The following RNASEH2A variants were observed in gnomAD, a reference collection of about 807,000 sequenced individuals.
The protein encoded by RNASEH2A is ribonuclease H2 subunit A.
Under a neutral mutation model 32.7 loss-of-function variants are expected in RNASEH2A, and 30 were observed. That is an observed-to-expected ratio of 0.92 (90% CI 0.69 to 1.25). The LOEUF is 1.25. RNASEH2A is among the 50% of genes most tolerant of loss of function. The pLI is 0.00. For missense variants in RNASEH2A, 409 were observed against 398.1 expected (o/e 1.03, Z -0.23); for synonymous variants, 147 against 165.4 (o/e 0.89, Z 0.86).
In RNASEH2A at chr19:12,809,514, A is replaced by AT. The variant is rs200896055; in HGVS notation, c.412-551dup. Among the ~76,000 whole-genome samples, 1,216 of 152,174 alleles carry AT rather than the reference A, an allele frequency of 8.0e-3. 47 individuals are homozygous for AT. The highest frequency in any genetic ancestry group is 0.067 in the Admixed American group (1,020 of 15,288). On this transcript the variant is annotated intron_variant, in intron 4 of 7. Coordinates refer to ENST00000221486, the MANE Select transcript of RNASEH2A (RefSeq NM_006397.3). ...CACCACTACACCTAGCTAACTTTTT[A>AT]TTTTTTGTAGAAACAGGGTCTCCAT...
chr19:12,810,655 C>A (rs1487611892), intron 6 of RNASEH2A, among the ~76,000 whole-genome samples: 1 of 152,072 alleles, frequency 6.6e-6, no homozygotes, highest in South Asian at 2.1e-4. Context: ...CTCAGCCTCG[C>A]GAGTAGCTGG....
chr19:12,807,246 T>C lies in RNASEH2A; in HGVS notation c.240T>C (p.Phe80=). The change falls in exon 3 of 8, where the codon TTT becomes TTC. Residue 80 remains phenylalanine, a synonymous_variant. Coordinates refer to ENST00000221486, the MANE Select transcript of RNASEH2A (RefSeq NM_006397.3). ...TGGAGAGCGAGCGGGAAAGGCTGTT[T>C]GCGAAAATGGAGGACACGGACTTTG... ...TLLESERERL[F]AKMEDTDFVG... The C allele has an allele frequency of 6.2e-7, 1 of 1,614,158 alleles. No homozygotes were observed. Among genetic ancestry groups the C allele is most frequent in the Non-Finnish European group, 8.5e-7 (1 of 1,180,034 alleles).
chr19:12,808,765 A>C (rs1056940360), intron 4 of RNASEH2A, among the ~76,000 whole-genome samples: 1 of 152,180 alleles, frequency 6.6e-6, no homozygotes, highest in Non-Finnish European at 1.5e-5. Context: ...GACCGTTCTG[A>C]GAGAATAACA....
At chr19:12,808,233 CAG>C (rs914177107) in intron 4 of RNASEH2A, among the ~76,000 whole-genome samples, 5 of 151,952 alleles carry the variant, frequency 3.3e-5, no homozygotes, top group Admixed American at 6.6e-5. Flanking sequence ...GCCTGGGGGA[CAG>C]AGCGAAAAAT....
intron 4 of RNASEH2A, among the ~76,000 whole-genome samples, chr19:12,808,171 G>A (rs564756629): frequency 6.2e-4 from 94 of 152,220 alleles, no homozygotes; most frequent in African/African-American, 1.9e-3. Flanking sequence ...AGAATTGCTC[G>A]AACCCGGGAG....
intron 6 of RNASEH2A, among the ~76,000 whole-genome samples, chr19:12,812,386 G>T (rs1969085785): frequency 6.6e-6 from 1 of 150,910 alleles, no homozygotes; most frequent in South Asian, 2.1e-4. Flanking sequence ...ACAAAAATTA[G>T]CCAGGTATGG....
At chr19:12,811,629 T>C (rs553287901) in intron 6 of RNASEH2A, among the ~76,000 whole-genome samples, 1 of 140,390 alleles carries the variant, frequency 7.1e-6, no homozygotes, top group African/African-American at 2.7e-5. Context: ...AAAAAAAAAA[T>C]AATGTTAGCC....
In RNASEH2A at chr19:12,806,709, C is replaced by T. The variant is rs375139492; in HGVS notation, c.36C>T (p.Gly12=). The part of the protein sequence containing the change: ...DLSELERDNT[G]RCRLSSPVPA... Reference sequence around the variant, plus strand: ...GCGAGCTGGAGAGAGACAATACAGGCCGCTGTCGCCTGAGTTCGCCTGTGC... The same window carrying T: ...GCGAGCTGGAGAGAGACAATACAGGTCGCTGTCGCCTGAGTTCGCCTGTGC... The change falls in exon 1 of 8, where the codon GGC becomes GGT. Residue 12 remains glycine (G), a synonymous_variant. Coordinates refer to ENST00000221486, the MANE Select transcript of RNASEH2A (RefSeq NM_006397.3). 6.2e-5 allele frequency: 98 copies of T among 1,569,796 alleles called. 1 individual carries two copies. In the South Asian group the frequency reaches 8.3e-4, roughly 13 times the overall value.
chr19:12,809,931 G>A (rs1377242915), intron 4 of RNASEH2A, 140 bp from the exon 5 acceptor site: 8 of 1,136,978 alleles, frequency 7.0e-6, no homozygotes, highest in African/African-American at 1.5e-5. Flanking sequence ...AGATGTTCGA[G>A]TTGAAATCCC....
At chr19:12,807,923 C>T (rs1273377365) in intron 4 of RNASEH2A, 4 of 240,814 alleles carry the variant, frequency 1.7e-5, no homozygotes, top group African/African-American at 9.1e-5. Context: ...CAGAGCAAGA[C>T]CCTGTCTCAA....
At chr19:12,809,220 A>G (rs913191214) in intron 4 of RNASEH2A, among the ~76,000 whole-genome samples, 2 of 152,208 alleles carry the variant, frequency 1.3e-5, no homozygotes, top group African/African-American at 4.8e-5. Context: ...TAAAAATAAA[A>G]AATAAAAAAA....
chr19:12,813,523 G>A lies in RNASEH2A; in HGVS notation c.*57G>A. 6.2e-7 allele frequency: 1 copy of A among 1,604,240 alleles called. No homozygotes were observed. Among genetic ancestry groups the A allele is most frequent in the East Asian group, 2.2e-5 (1 of 44,860 alleles). On this transcript the variant is annotated 3_prime_UTR_variant, in exon 8 of 8. Coordinates refer to ENST00000221486, the MANE Select transcript of RNASEH2A (RefSeq NM_006397.3). ...CAACCCAGACATTAAAATTGTTTAA[G>A]GAGAACCACACGTAGGGGATGTACT...
chr19:12,809,745 T>C (rs1408170228), intron 4 of RNASEH2A, among the ~76,000 whole-genome samples: 2 of 152,064 alleles, frequency 1.3e-5, no homozygotes, highest in East Asian at 3.8e-4. Context: ...AGAAAGCCTC[T>C]TCAGGAGGTG....
rs757139110 is a variant in RNASEH2A at position 12,810,412 on chromosome 19, G to C, written c.637+8G>C. On this transcript the variant is annotated splice_region_variant and intron_variant, in intron 6 of 7. Transcript: ENST00000221486. ...GCTCAGGCTACCCCAATGGTGAGCA[G>C]ACACGTGACCATGGTACTAATGTTG... is the stretch of plus-strand genomic sequence containing the variant. The C allele has an allele frequency of 6.2e-7, 1 of 1,612,376 alleles. No individual in the cohort carries two copies. Among genetic ancestry groups the C allele is most frequent in the South Asian group, 1.1e-5 (1 of 91,058 alleles).
In RNASEH2A at chr19:12,807,490, G is replaced by A. The variant is rs753110328; in HGVS notation, c.395G>A (p.Gly132Asp). ...TGLIQYALDQ[G>D]VNVTQVFVDT... Reference sequence around the variant, plus strand: ...CTTATACAGTATGCATTGGACCAGGGCGTGAACGTCACCCAGGTGAGTTAA... The same window carrying A: ...CTTATACAGTATGCATTGGACCAGGACGTGAACGTCACCCAGGTGAGTTAA... The change falls in exon 4 of 8, where the codon GGC becomes GAC. Residue 132 changes from glycine (G) to aspartate (D), a missense_variant. Gly to Asp is a moderately conservative substitution (Grantham distance 94). Coordinates refer to ENST00000221486, the MANE Select transcript of RNASEH2A (RefSeq NM_006397.3). The A allele has an allele frequency of 1.2e-6, 2 of 1,614,080 alleles. No homozygotes were observed. The highest frequency in any genetic ancestry group is 1.7e-6 in the Non-Finnish European group (2 of 1,179,962).
chr19:12,812,983 T>A, intron 6 of RNASEH2A, 100 bp from the exon 7 acceptor site: 1 of 1,545,298 alleles, frequency 6.5e-7, no homozygotes, highest in Non-Finnish European at 8.9e-7. Context: ...CCAGCCTGGC[T>A]ACAGAGTGGG....
In RNASEH2A at chr19:12,813,527, A is replaced by AACC; in HGVS notation, c.*64_*66dup. 6.2e-7 allele frequency: 1 copy of AACC among 1,600,924 alleles called. No individual in the cohort carries two copies. Among genetic ancestry groups the AACC allele is most frequent in the Non-Finnish European group, 8.5e-7 (1 of 1,176,710 alleles). Reference sequence around the variant, plus strand: ...CCAGACATTAAAATTGTTTAAGGAGAACCACACGTAGGGGATGTACTTTTG... The same window carrying AACC: ...CCAGACATTAAAATTGTTTAAGGAGAACCACCACACGTAGGGGATGTACTTTTG... On this transcript the variant is annotated 3_prime_UTR_variant, in exon 8 of 8. Transcript: ENST00000221486.
At chr19:12,807,658 G>T in intron 4 of RNASEH2A, 152 bp downstream of exon 4, 1 of 745,802 alleles carries the variant, frequency 1.3e-6, no homozygotes, top group African/African-American at 1.7e-5. Flanking sequence ...GAGGCAGGGC[G>T]CAGTGGCTCA....
At chr19:12,807,739 C>T (rs1251572580) in intron 4 of RNASEH2A, 2 of 541,986 alleles carry the variant, frequency 3.7e-6, no homozygotes, top group East Asian at 6.7e-5. Context: ...CGAGACCAGC[C>T]TGACCAACAT....
Sources: gnomAD v4.1 joint callset for allele counts (sites outside exome capture counted in the v4.1 genomes callset) on GRCh38, gnomAD v4.1.1 for gene constraint, MANE v1.5 for transcripts, NCBI Gene and HGNC (gene_info 2026-07-23, HGNC 2026-07-21) for gene names.